The following SNED1 variants were observed in gnomAD, a reference collection of about 807,000 sequenced individuals.
The protein encoded by SNED1 is sushi, nidogen and EGF-like domain-containing protein 1.
In SNED1, 81 loss-of-function variants were observed where a neutral mutation model predicts 166.7. That is an observed-to-expected ratio of 0.49 (90% CI 0.41 to 0.58). The LOEUF (loss-of-function observed/expected upper bound fraction) is 0.58. SNED1 is among the 20% of genes least tolerant of loss of function. The pLI, the probability that SNED1 is intolerant of heterozygous loss-of-function variation, is 0.00. For missense variants in SNED1, 1,604 were observed against 2,000.2 expected (o/e 0.80, Z 3.78); for synonymous variants, 762 against 822.0 (o/e 0.93, Z 1.25).
At chr2:241,024,657 T>TTTATTTTATC (rs1242515590) in intron 1 of SNED1, among the ~76,000 whole-genome samples, 59 of 148,146 alleles carry the variant, frequency 4.0e-4, no homozygotes, top group African/African-American at 1.3e-3. Context: ...TTTATCTTAT[T>TTTATTTTATC]TTATTTTATT....
rs1014818643 is a variant in SNED1 at position 241,068,679 on chromosome 2, C to T, written c.3195-232C>T. On this transcript the variant is annotated intron_variant, in intron 22 of 31. Transcript: ENST00000310397. The surrounding 1 kb of genome is among the most constrained non-coding windows in gnomAD (Gnocchi z 5.3). The stretch of plus-strand genomic sequence containing the variant: ...GGCCCTCTGACCATACTGTAGCAGC[C>T]CCAAGCGCACCCGATCCTCCTCCGC... Among the ~76,000 whole-genome samples the T allele has an allele frequency of 6.6e-6, 1 of 152,126 alleles. No homozygotes were observed. Among genetic ancestry groups the T allele is most frequent in the East Asian group, 1.9e-4 (1 of 5,184 alleles).
intron 26 of SNED1, chr2:241,072,647 G>T (rs963868363): frequency 8.9e-6 from 2 of 225,026 alleles, no homozygotes; most frequent in East Asian, 2.6e-4. Flanking sequence ...GGTCCCTGCC[G>T]CACGGTGAGC....
Position 241,069,516 on chromosome 2 carries a change from G to A in SNED1, c.3308-404G>A, listed in dbSNP as rs550019437. Among the ~76,000 whole-genome samples the A allele has an allele frequency of 2.3e-3, 344 of 152,302 alleles. 2 individuals are homozygous for A. Among genetic ancestry groups the A allele is most frequent in the African/African-American group, 8.0e-3 (333 of 41,558 alleles). ...TGCAGCTCCCTCTGTGAGGAACAGA[G>A]GCTTAAGCAGACCCCTGCCCACCTG... On this transcript the variant is annotated intron_variant, in intron 23 of 31. Transcript: ENST00000310397. This position sits in a 1 kb window ranked among gnomAD's most constrained non-coding sequence, Gnocchi z 4.9.
chr2:241,049,380 T>C (rs2061760284), intron 11 of SNED1, among the ~76,000 whole-genome samples: 1 of 152,250 alleles, frequency 6.6e-6, no homozygotes, highest in African/African-American at 2.4e-5. Flanking sequence ...CCATGTGGTA[T>C]CTTACCTAAG....
chr2:241,052,153 G>C lies in SNED1; in HGVS notation c.1965G>C (p.Glu655Asp). Residue 655 changes from glutamate (E) to aspartate (D), a missense_variant, in exon 14 of 32, where the codon GAG becomes GAC. Transcript: ENST00000310397. ...CPPGFSGRHC[E>D]IAPSPCFRSP... ...CAGGCTTCTCCGGGCGGCACTGCGA[G>C]ATAGGTAAGGTGGGTGGGAGGCCAG... The C allele has an allele frequency of 3.1e-6, 5 of 1,613,034 alleles. No individual in the cohort carries two copies. The highest frequency in any genetic ancestry group is 2.5e-6 in the Non-Finnish European group (3 of 1,179,060).
At chr2:241,039,357 G>C (rs1202174053) in intron 6 of SNED1, among the ~76,000 whole-genome samples, 1 of 152,178 alleles carries the variant, frequency 6.6e-6, no homozygotes, top group Non-Finnish European at 1.5e-5. Context: ...ATGACTCCAG[G>C]GAGGGACACA....
chr2:241,049,766 C>T lies in SNED1; in HGVS notation c.1619-51C>T, dbSNP rs867098110. 27 of 1,449,184 alleles carry T rather than the reference C, an allele frequency of 1.9e-5. 1 individual carries two copies. In the Middle Eastern group the frequency reaches 1.6e-3, roughly 83 times the overall value. 89.8% of individuals were successfully genotyped at this position (1,449,184 alleles called of 1,614,324 possible). On this transcript the variant is annotated intron_variant, in intron 11 of 31. Transcript: ENST00000310397. ...AGGTGCCCGCCAGCCTCTTGCCGCCCGCACAGATGCGGCGTAAGCTCCAGG... is the reference window on the plus strand; with the variant it reads ...AGGTGCCCGCCAGCCTCTTGCCGCCTGCACAGATGCGGCGTAAGCTCCAGG...
rs377138641 is a variant in SNED1, at chr2:241,033,892, G to A, written c.642+17G>A. Reference sequence around the variant, plus strand: ...GCAGCCCAGGTAGGCGAGTGCAGTCGGTGCTCTGTGTTCAGAACCCCTGCT... The same window carrying A: ...GCAGCCCAGGTAGGCGAGTGCAGTCAGTGCTCTGTGTTCAGAACCCCTGCT... On this transcript the variant is annotated intron_variant, in intron 3 of 31. Coordinates refer to ENST00000310397, the MANE Select transcript of SNED1 (RefSeq NM_001080437.3). 118 of 1,581,948 alleles carry A rather than the reference G, an allele frequency of 7.5e-5. 1 individual carries two copies. Among genetic ancestry groups the A allele is most frequent in the South Asian group, 1.9e-4 (16 of 85,898 alleles).
In SNED1 at chr2:241,071,877, A is replaced by G. The variant is rs1216575411; in HGVS notation, c.3816A>G (p.Ser1272=). The part of the protein sequence containing the change: ...GSPSKAATVR[S]QPTASAQLEN... The stretch of plus-strand genomic sequence containing the variant: ...CCAGCAAAGCAGCCACCGTGAGATC[A>G]CGTGAGTGCCAGGGCCTCCCCACCC... The change falls in exon 26 of 32, where the codon TCA becomes TCG. Residue 1272 remains serine, a splice_region_variant and synonymous_variant. Transcript: ENST00000310397. 3.1e-6 allele frequency: 5 copies of G among 1,599,364 alleles called. No homozygotes were observed. The highest frequency in any genetic ancestry group is 4.3e-6 in the Non-Finnish European group (5 of 1,173,710).
In SNED1 at chr2:241,034,628, G is replaced by C. The variant is rs1574941834; in HGVS notation, c.703G>C (p.Asp235His). The C allele has an allele frequency of 6.2e-7, 1 of 1,611,796 alleles. No homozygotes were observed. Among genetic ancestry groups the C allele is most frequent in the Non-Finnish European group, 8.5e-7 (1 of 1,179,472 alleles). The change falls in exon 4 of 32, where the codon GAC becomes CAC. Residue 235 changes from aspartate (D) to histidine (H), a missense_variant. Coordinates refer to ENST00000310397, the MANE Select transcript of SNED1 (RefSeq NM_001080437.3). ...CAGTATCCCCGGCTCGCGCACAGCA[G>C]ACATGGCCGAGGTGGAGACCACCAC... is the stretch of plus-strand genomic sequence containing the variant. ...YFSIPGSRTA[D>H]MAEVETTTNV...
intron 8 of SNED1, among the ~76,000 whole-genome samples, chr2:241,044,617 C>T (rs1336326755): frequency 6.6e-6 from 1 of 152,232 alleles, no homozygotes; most frequent in Non-Finnish European, 1.5e-5. Flanking sequence ...GGCATCCACA[C>T]GGACAGAAAG....
Position 241,049,099 on chromosome 2 carries a change from C to A in SNED1, c.1582C>A (p.Leu528Ile). The A allele has an allele frequency of 1.2e-6, 2 of 1,612,420 alleles. No individual in the cohort carries two copies. Among genetic ancestry groups the A allele is most frequent in the South Asian group, 1.1e-5 (1 of 90,796 alleles). Residue 528 changes from leucine (L) to isoleucine (I), a missense_variant, in exon 11 of 32, where the codon CTC becomes ATC. Coordinates refer to ENST00000310397, the MANE Select transcript of SNED1 (RefSeq NM_001080437.3). ...GYCMEHGGSY[L>I]CVCHTDHNAS... ...CTGCATGGAGCACGGCGGGAGCTACCTCTGCGTCTGCCACACCGACCACAA... is the reference window on the plus strand; with the variant it reads ...CTGCATGGAGCACGGCGGGAGCTACATCTGCGTCTGCCACACCGACCACAA...
intron 6 of SNED1, 89 bp from the exon 7 acceptor site, chr2:241,039,985 GT>G (rs2061479223): frequency 1.9e-6 from 2 of 1,031,606 alleles, no homozygotes; most frequent in Middle Eastern, 2.1e-4. Context: ...CCAGTTGGGG[GT>G]GGGGCTCAGT....
At chr2:241,044,252 C>T (rs554768132) in intron 8 of SNED1, among the ~76,000 whole-genome samples, 1 of 152,270 alleles carries the variant, frequency 6.6e-6, no homozygotes, top group East Asian at 1.9e-4. Context: ...AAATAAAAGG[C>T]AAAGATTGTC....
At chr2:241,063,947 GT>G in intron 18 of SNED1, 64 bp from the exon 19 acceptor site, 2 of 1,220,606 alleles carry the variant, frequency 1.6e-6, no homozygotes, top group Non-Finnish European at 2.3e-6. Context: ...TCTTCCCGCT[GT>G]CCTCTCCTCC....
intron 1 of SNED1, among the ~76,000 whole-genome samples, chr2:241,028,633 C>T (rs546666846): frequency 6.6e-6 from 1 of 152,258 alleles, no homozygotes; most frequent in African/African-American, 2.4e-5. Flanking sequence ...TGTTTCATTC[C>T]ATCAGTCTGT....
chr2:241,068,824 C>T lies in SNED1; in HGVS notation c.3195-87C>T. 1.1e-6 allele frequency: 1 copy of T among 933,472 alleles called. No individual in the cohort carries two copies. Among genetic ancestry groups the T allele is most frequent in the South Asian group, 1.7e-5 (1 of 60,230 alleles). 57.8% of individuals were successfully genotyped at this position (933,472 alleles called of 1,614,324 possible). A position where few individuals can be genotyped will look rare whatever the true frequency, so the allele number is the denominator to read the frequency against. ...CAGGATGACCTCCCCGCAGTCACCT[C>T]CTGCCTGGGGGAGCTGCGGTCTGGC... On this transcript the variant is annotated intron_variant, in intron 22 of 31. Transcript: ENST00000310397. The surrounding 1 kb of genome is among the most constrained non-coding windows in gnomAD (Gnocchi z 5.3).
chr2:241,038,322 GT>G (rs1315436066), intron 6 of SNED1, among the ~76,000 whole-genome samples: 3 of 152,204 alleles, frequency 2.0e-5, no homozygotes, highest in Non-Finnish European at 2.9e-5. Context: ...GTCATGGGAG[GT>G]TTTTTAAAGT....
Position 241,067,696 on chromosome 2 carries a change from C to T in SNED1, c.3011-68C>T, listed in dbSNP as rs567503002. On this transcript the variant is annotated intron_variant, in intron 21 of 31. Transcript: ENST00000310397. ...AGCACCCTCCCAAGCCTGGTTTCAT[C>T]TTGAGCCCCTGCACTCCCCCAGGAG... The T allele has an allele frequency of 4.9e-5, 69 of 1,399,842 alleles. No homozygotes were observed. The African/African-American group carries it at 7.5e-4, about 15-fold the overall frequency. 86.7% of individuals were successfully genotyped at this position (1,399,842 alleles called of 1,614,324 possible).
Sources: allele counts gnomAD v4.1 joint callset (sites outside exome capture counted in the v4.1 genomes callset), GRCh38; gene constraint gnomAD v4.1.1; non-coding constraint Gnocchi (gnomAD v3.1); transcripts MANE v1.5; gene names NCBI Gene and HGNC (gene_info 2026-07-23, HGNC 2026-07-21).